The following ATG14 variants were observed in gnomAD, a reference collection of about 807,000 sequenced individuals.
ATG14 encodes autophagy related 14.
A neutral mutation model predicts 60.4 loss-of-function variants in ATG14; 35 were observed. The observed-to-expected ratio is 0.58, with a 90% CI of 0.44 to 0.77. ATG14 has a LOEUF of 0.77. Among genes scored for constraint, ATG14 ranks in the 30% least tolerant of loss-of-function variants. The pLI, the probability that ATG14 is intolerant of heterozygous loss-of-function variation, is 0.00. For missense variants in ATG14, 647 were observed against 626.3 expected (o/e 1.03, Z -0.35); for synonymous variants, 234 against 228.8 (o/e 1.02, Z -0.21).
At chr14:55,379,852 G>A (rs1288864017) in intron 7 of ATG14, among the ~76,000 whole-genome samples, 2 of 152,172 alleles carry the variant, frequency 1.3e-5, no homozygotes, top group African/African-American at 4.8e-5. Context: ...CCTCCAAATA[G>A]CTGGGATACA....
chr14:55,390,744 T>C (rs1276785861), intron 4 of ATG14, among the ~76,000 whole-genome samples, 167 bp downstream of exon 4: 3 of 152,192 alleles, frequency 2.0e-5, no homozygotes, highest in African/African-American at 7.2e-5. Context: ...TTTTAAAAAT[T>C]CCTTATACAA....
chr14:55,375,238 T>C (rs1884895318), intron 9 of ATG14, among the ~76,000 whole-genome samples: 1 of 152,240 alleles, frequency 6.6e-6, no homozygotes, highest in South Asian at 2.1e-4. Context: ...ATTTATAGTT[T>C]TTGCTGCTAC....
chr14:55,403,539 T>C (rs887592488), intron 1 of ATG14, among the ~76,000 whole-genome samples: 6 of 152,102 alleles, frequency 3.9e-5, no homozygotes, highest in African/African-American at 1.5e-4. Flanking sequence ...TAGTCATATA[T>C]AATCTTTTTT....
chr14:55,369,609 T>A lies in ATG14; in HGVS notation c.*10A>T, dbSNP rs765785216. The A allele has an allele frequency of 4.0e-6, 6 of 1,500,998 alleles. No individual in the cohort carries two copies. The highest frequency in any genetic ancestry group is 5.3e-6 in the Non-Finnish European group (6 of 1,123,078). 93.0% of individuals were successfully genotyped at this position (1,500,998 alleles called of 1,614,324 possible). A position where few individuals can be genotyped will look rare whatever the true frequency, so the allele number is the denominator to read the frequency against. ...TTGATGCAGATTTGGTATGTTTTGG[T>A]CCATGCTCGTTAACGGTGTCCAGTG... On this transcript the variant is annotated 3_prime_UTR_variant, in exon 10 of 10. Transcript: ENST00000247178.
chr14:55,391,155 A>G, intron 3 of ATG14, 163 bp from the exon 4 acceptor site: 1 of 544,566 alleles, frequency 1.8e-6, no homozygotes, highest in Non-Finnish European at 3.2e-6. Flanking sequence ...GAAAAAGAGA[A>G]CGATGTTTTT....
At chr14:55,402,959 ATATAT>A (rs1566585758) in intron 1 of ATG14, among the ~76,000 whole-genome samples, 2 of 76,830 alleles carry the variant, frequency 2.6e-5, no homozygotes, top group Non-Finnish European at 5.6e-5. Context: ...ATATATATAT[ATATAT>A]ATATAAATAG....
intron 1 of ATG14, among the ~76,000 whole-genome samples, chr14:55,409,605 AAG>A (rs983569085): frequency 6.6e-6 from 1 of 152,160 alleles, no homozygotes; most frequent in Non-Finnish European, 1.5e-5. Flanking sequence ...TTCTGAGAGA[AAG>A]AGTTCCTGGC....
intron 5 of ATG14, among the ~76,000 whole-genome samples, chr14:55,384,233 TTTC>T (rs1410052311): frequency 6.6e-6 from 1 of 152,256 alleles, no homozygotes; most frequent in African/African-American, 2.4e-5. Flanking sequence ...AGAAATAGTT[TTTC>T]TTCATATTTT....
intron 5 of ATG14, among the ~76,000 whole-genome samples, chr14:55,385,106 C>G (rs1885101163): frequency 6.6e-6 from 1 of 152,154 alleles, no homozygotes; most frequent in Admixed American, 6.5e-5. Context: ...ATGTAGTGCC[C>G]ACCATCTAAG....
chr14:55,397,481 G>A (rs1325768160), intron 1 of ATG14, 47 bp from the exon 2 acceptor site: 1 of 1,433,346 alleles, frequency 7.0e-7, no homozygotes, highest in Non-Finnish European at 9.8e-7. Context: ...CATTTTTTCA[G>A]TTCAATGAGA....
At chr14:55,406,903 A>C (rs1180561626) in intron 1 of ATG14, among the ~76,000 whole-genome samples, 1 of 151,644 alleles carries the variant, frequency 6.6e-6, no homozygotes, top group African/African-American at 2.4e-5. Flanking sequence ...GAAATCTACC[A>C]CAACATATCT....
intron 9 of ATG14, among the ~76,000 whole-genome samples, chr14:55,375,284 C>G (rs1884895908): frequency 6.6e-6 from 1 of 152,064 alleles, no homozygotes; most frequent in Non-Finnish European, 1.5e-5. Flanking sequence ...AATTTCCAAA[C>G]TGGTTGTTGT....
chr14:55,379,381 TA>T (rs1884985721), intron 7 of ATG14, among the ~76,000 whole-genome samples: 1 of 150,610 alleles, frequency 6.6e-6, no homozygotes, highest in Non-Finnish European at 1.5e-5. Context: ...TACAAAAAAA[TA>T]CAAAAAAAAA....
At position 55,386,050 on chromosome 14, in the gene ATG14, G is replaced by A; in HGVS notation, c.456C>T (p.Tyr152=). Reference sequence around the variant, plus strand: ...TCTCTTGGTGCCGTTGTGCTCGACTGTAAAGCTTCTGATTCTTTTCCTTGG... The same window carrying A: ...TCTCTTGGTGCCGTTGTGCTCGACTATAAAGCTTCTGATTCTTTTCCTTGG... The part of the protein sequence containing the change: ...LKTKEKNQKL[Y]SRAQRHQEKK... Residue 152 remains tyrosine (Y), a synonymous_variant, in exon 5 of 10, where the codon TAC becomes TAT. Transcript: ENST00000247178. 1.2e-6 allele frequency: 2 copies of A among 1,613,084 alleles called. No individual in the cohort carries two copies. Among genetic ancestry groups the A allele is most frequent in the Non-Finnish European group, 1.7e-6 (2 of 1,179,808 alleles).
At position 55,386,201 on chromosome 14, in the gene ATG14, G is replaced by T; in HGVS notation, c.410-105C>A. On this transcript the variant is annotated intron_variant, in intron 4 of 9. Transcript: ENST00000247178. ...CGTGTTTTCCCTTGCAATCTAAACTGAAAGCAAAACCTGAATAATATAATG... is the reference window on the plus strand; with the variant it reads ...CGTGTTTTCCCTTGCAATCTAAACTTAAAGCAAAACCTGAATAATATAATG... 3.1e-6 allele frequency: 3 copies of T among 969,034 alleles called. No homozygotes were observed. The East Asian group carries it at 7.3e-5, about 24-fold the overall frequency. The allele number at this position is 969,034 out of a possible 1,614,324, so 60.0% of individuals were successfully genotyped here. A position where few individuals can be genotyped will look rare whatever the true frequency, so the allele number is the denominator to read the frequency against.
At chr14:55,411,500 G>T in intron 1 of ATG14, 102 bp downstream of exon 1, 1 of 1,150,824 alleles carries the variant, frequency 8.7e-7, no homozygotes. Flanking sequence ...TCCTCTCGCT[G>T]GTATCTGGTG....
Position 55,369,849 on chromosome 14 carries a change from C to A in ATG14, c.1249G>T (p.Asp417Tyr). ...FVDPGVAGES[D>Y]ESGDERVSDE... is the part of the protein sequence containing the mutation. ...CTGACGCGCTCATCTCCGCTCTCAT[C>A]TGATTCTCCAGCAACTCCGGGATCC... Residue 417 changes from aspartate to tyrosine, a missense_variant, in exon 10 of 10, where the codon GAT (aspartate) becomes TAT (tyrosine). Transcript: ENST00000247178. 6.2e-7 allele frequency: 1 copy of A among 1,614,202 alleles called. No individual in the cohort carries two copies. The highest frequency in any genetic ancestry group is 8.5e-7 in the Non-Finnish European group (1 of 1,180,030).
chr14:55,379,119 G>A (rs1209966273), intron 7 of ATG14, among the ~76,000 whole-genome samples: 1 of 152,150 alleles, frequency 6.6e-6, no homozygotes, highest in East Asian at 1.9e-4. Context: ...GCTCCAAGAG[G>A]GCAAGGATTA....
At chr14:55,380,875 A>ATATATATATATTTTT (rs377330757) in intron 6 of ATG14, among the ~76,000 whole-genome samples, 185 bp from the exon 7 acceptor site, 2 of 112,702 alleles carry the variant, frequency 1.8e-5, no homozygotes, top group Non-Finnish European at 3.5e-5. Context: ...ATATATATAT[A>ATATATATATATTTTT]TTTTTTTTTT....
Sources: allele counts gnomAD v4.1 joint callset (sites outside exome capture counted in the v4.1 genomes callset), GRCh38; gene constraint gnomAD v4.1.1; transcripts MANE v1.5; gene names NCBI Gene and HGNC (gene_info 2026-07-23, HGNC 2026-07-21).